Variants in SLC44A2 observed in about 807,000 individuals in gnomAD.
SLC44A2 encodes the protein choline transporter-like protein 2.
SLC44A2 carries 57 observed loss-of-function variants against 90.8 expected under a neutral mutation model. That is an observed-to-expected ratio of 0.63 (90% CI 0.51 to 0.78). SLC44A2 has a LOEUF of 0.78. Among genes scored for constraint, SLC44A2 ranks in the 30% least tolerant of loss-of-function variants. The pLI, the probability that SLC44A2 is intolerant of heterozygous loss-of-function variation, is 0.00. For synonymous variants in SLC44A2, 355 were observed against 360.7 expected (o/e 0.98, Z 0.18); for missense variants, 794 against 919.7 (o/e 0.86, Z 1.77).
At chr19:10,634,207 C>T (rs1185356554) in intron 10 of SLC44A2, among the ~76,000 whole-genome samples, 1 of 125,340 alleles carries the variant, frequency 8.0e-6, no homozygotes, top group African/African-American at 3.1e-5. Context: ...TCAGGCTGGT[C>T]TCGAACTCCT....
intron 1 of SLC44A2, among the ~76,000 whole-genome samples, chr19:10,604,999 G>A (rs2144797049): frequency 6.6e-6 from 1 of 152,256 alleles, no homozygotes; most frequent in South Asian, 2.1e-4. Context: ...CAAGAGCAGT[G>A]CAGAAAAAGA....
intron 14 of SLC44A2, 50 bp downstream of exon 14, chr19:10,635,565 G>C (rs764877629): frequency 1.3e-6 from 2 of 1,531,778 alleles, no homozygotes; most frequent in Non-Finnish European, 1.8e-6. Flanking sequence ...GCAGGCCCCA[G>C]ATGATTTGAA....
chr19:10,641,034 C>G (rs1005498597), intron 20 of SLC44A2: 16 of 413,000 alleles, frequency 3.9e-5, no homozygotes, highest in Non-Finnish European at 7.5e-5. Context: ...TTGCACTGAG[C>G]CAAGGTCCCA....
chr19:10,608,936 C>G (rs901591012), intron 1 of SLC44A2, among the ~76,000 whole-genome samples: 6 of 150,586 alleles, frequency 4.0e-5, no homozygotes, highest in African/African-American at 1.5e-4. Flanking sequence ...GAGTCGTGAG[C>G]CACTGCACCC....
intron 1 of SLC44A2, among the ~76,000 whole-genome samples, chr19:10,612,809 TG>T (rs1392379970): frequency 6.6e-6 from 1 of 152,250 alleles, no homozygotes; most frequent in Non-Finnish European, 1.5e-5. Context: ...CTCCCAATCC[TG>T]GCCTTGTCCA....
chr19:10,615,064 A>C (rs570474692), intron 1 of SLC44A2, among the ~76,000 whole-genome samples: 42 of 148,878 alleles, frequency 2.8e-4, no homozygotes, highest in Middle Eastern at 3.5e-3. Context: ...CATTCCTTTT[A>C]AGGGAAAAAA....
chr19:10,624,032 C>G (rs774765784), upstream of SLC44A2, among the ~76,000 whole-genome samples: 3 of 151,524 alleles, frequency 2.0e-5, no homozygotes, highest in Non-Finnish European at 4.4e-5. Flanking sequence ...GACACTCGCT[C>G]TGTCACCCAG....
At chr19:10,627,688 A>G (rs200106104) in intron 2 of SLC44A2, 34 bp from the exon 3 acceptor site, 1 of 1,609,122 alleles carries the variant, frequency 6.2e-7, no homozygotes, top group East Asian at 2.2e-5. Context: ...CACAGCACCA[A>G]GCCTCCTCCA....
At chr19:10,604,150 A>T (rs950972002) in intron 1 of SLC44A2, among the ~76,000 whole-genome samples, 1 of 152,200 alleles carries the variant, frequency 6.6e-6, no homozygotes, top group Non-Finnish European at 1.5e-5. Flanking sequence ...GACCGCAGGG[A>T]GTAGTCAAGG....
intron 21 of SLC44A2, 151 bp downstream of exon 21, chr19:10,642,602 C>A: frequency 1.2e-6 from 1 of 804,524 alleles, no homozygotes; most frequent in South Asian, 1.6e-5. Flanking sequence ...AGCCTGTCTT[C>A]CTGGTTTCCT....
intron 1 of SLC44A2, among the ~76,000 whole-genome samples, chr19:10,606,317 C>T (rs535092893): frequency 2.2e-4 from 34 of 152,032 alleles, no homozygotes; most frequent in Non-Finnish European, 4.6e-4. Context: ...AGCAGATTCC[C>T]TGGTCCCATT....
At chr19:10,641,399 A>T (rs369842278) in intron 20 of SLC44A2, 91 of 451,584 alleles carry the variant, frequency 2.0e-4, no homozygotes, top group African/African-American at 1.8e-3. Context: ...GTCTCAAAAA[A>T]AAAACAAAAA....
intron 2 of SLC44A2, among the ~76,000 whole-genome samples, chr19:10,626,724 G>A (rs2066938449): frequency 6.6e-6 from 1 of 150,934 alleles, no homozygotes; most frequent in African/African-American, 2.4e-5. Flanking sequence ...ACCTGGCCTG[G>A]ACTTAATTTT....
intron 20 of SLC44A2, among the ~76,000 whole-genome samples, chr19:10,639,715 CAAA>C (rs1002107358): frequency 4.6e-5 from 7 of 151,640 alleles, no homozygotes; most frequent in Non-Finnish European, 1.0e-4. Flanking sequence ...CCAGTCTCTA[CAAA>C]AAAAATACAA....
intron 20 of SLC44A2, among the ~76,000 whole-genome samples, chr19:10,639,535 A>T (rs966825836): frequency 6.6e-6 from 1 of 152,024 alleles, no homozygotes; most frequent in Non-Finnish European, 1.5e-5. Context: ...AGTGGCCCTG[A>T]GGTGGGAGTG....
Position 10,625,687 on chromosome 19 carries a change from G to C in SLC44A2, c.37+17G>C. On this transcript the variant is annotated intron_variant, in intron 1 of 21. Coordinates refer to ENST00000335757, the MANE Select transcript of SLC44A2 (RefSeq NM_020428.4). ...GGAAACACGGTAGGCAGCGACCCCC[G>C]CCCGTAGCCCCGGGCCGACCCCTCG... 2 of 1,248,406 alleles carry C rather than the reference G, an allele frequency of 1.6e-6. No homozygotes were observed. Among genetic ancestry groups the C allele is most frequent in the Non-Finnish European group, 2.0e-6 (2 of 990,592 alleles). 77.3% of individuals were successfully genotyped at this position (1,248,406 alleles called of 1,614,324 possible). A position where few individuals can be genotyped will look rare whatever the true frequency, so the allele number is the denominator to read the frequency against.
chr19:10,642,789 C>T, intron 21 of SLC44A2: 1 of 1,331,226 alleles, frequency 7.5e-7, no homozygotes, highest in East Asian at 2.5e-5. Flanking sequence ...TTTCTTCTCT[C>T]TTCCTCTCCT....
intron 1 of SLC44A2, among the ~76,000 whole-genome samples, chr19:10,619,274 A>G (rs2066879875): frequency 6.6e-6 from 1 of 151,642 alleles, no homozygotes; most frequent in Non-Finnish European, 1.5e-5. Context: ...ACAAAAAAAT[A>G]TAAAAAATTA....
At chr19:10,619,824 G>A (rs567232483) in intron 1 of SLC44A2, among the ~76,000 whole-genome samples, 5 of 152,034 alleles carry the variant, frequency 3.3e-5, no homozygotes, top group African/African-American at 4.8e-5. Flanking sequence ...GCGTGGTGGC[G>A]TGCACCTGTA....
Sources: allele counts gnomAD v4.1 joint callset (sites outside exome capture counted in the v4.1 genomes callset), GRCh38; gene constraint gnomAD v4.1.1; transcripts MANE v1.5; gene names NCBI Gene and HGNC (gene_info 2026-07-23, HGNC 2026-07-21).